CNIH3: variants seen among roughly 807,000 people sequenced by gnomAD.
CNIH3 encodes protein cornichon homolog 3.
A neutral mutation model predicts 24.1 loss-of-function variants in CNIH3; 14 were observed. That is an observed-to-expected ratio of 0.58 (90% CI 0.38 to 0.91). The LOEUF is 0.91. CNIH3 is among the 40% of genes least tolerant of loss of function. The pLI is 0.00. For missense variants in CNIH3, 178 were observed against 196.8 expected, an observed-to-expected ratio of 0.90 and a Z score of 0.57; for synonymous variants, 68 against 73.8, an observed-to-expected ratio of 0.92 and a Z score of 0.40.
intron 1 of CNIH3, among the ~76,000 whole-genome samples, chr1:224,648,468 G>C (rs1684721022): frequency 6.6e-6 from 1 of 151,706 alleles, no homozygotes; most frequent in African/African-American, 2.4e-5. Context: ...GAAGGGATGA[G>C]TTTACCAAAG....
chr1:224,547,885 C>T (rs1318308576), intron 3 of CNIH3, among the ~76,000 whole-genome samples: 1 of 151,834 alleles, frequency 6.6e-6, no homozygotes, highest in African/African-American at 2.4e-5. Flanking sequence ...CCTGTGTGTA[C>T]ACCCCATGAT....
chr1:224,598,398 T>C (rs575174493), intron 3 of CNIH3, among the ~76,000 whole-genome samples: 3 of 152,372 alleles, frequency 2.0e-5, no homozygotes, highest in East Asian at 3.9e-4. Flanking sequence ...CTGGTGAAGA[T>C]GCTATGAATA....
intron 1 of CNIH3, among the ~76,000 whole-genome samples, chr1:224,636,332 A>C (rs1684085974): frequency 6.6e-6 from 1 of 152,208 alleles, no homozygotes; most frequent in Admixed American, 6.5e-5. Flanking sequence ...GAAGGGACCT[A>C]AGATCACCTG....
intron 1 of CNIH3, among the ~76,000 whole-genome samples, chr1:224,450,394 C>A (rs1675344838): frequency 1.3e-5 from 2 of 152,148 alleles, no homozygotes; most frequent in Admixed American, 6.6e-5. Flanking sequence ...TGGGAAGACC[C>A]TGTCTACTGA....
intron 1 of CNIH3, among the ~76,000 whole-genome samples, chr1:224,500,250 T>G (rs1677599752): frequency 6.6e-6 from 1 of 152,002 alleles, no homozygotes; most frequent in Admixed American, 6.6e-5. Flanking sequence ...TGGTCTCAAG[T>G]CATCCTCCCA....
intron 1 of CNIH3, among the ~76,000 whole-genome samples, chr1:224,670,483 G>A (rs970504013): frequency 2.0e-5 from 3 of 152,102 alleles, no homozygotes; most frequent in Non-Finnish European, 2.9e-5. Flanking sequence ...CAGCACAGAC[G>A]GTCCCCACTC....
intron 3 of CNIH3, among the ~76,000 whole-genome samples, chr1:224,606,093 A>T (rs1185658359): frequency 6.6e-6 from 1 of 152,118 alleles, no homozygotes; most frequent in Admixed American, 6.5e-5. Flanking sequence ...TGCCGGCAGG[A>T]GTAAACACTG....
At chr1:224,491,175 T>A (rs1452433169) in intron 1 of CNIH3, among the ~76,000 whole-genome samples, 1 of 152,242 alleles carries the variant, frequency 6.6e-6, no homozygotes, top group African/African-American at 2.4e-5. Flanking sequence ...CCCTTATTAG[T>A]GTATTTACTG....
At chr1:224,523,621 G>A (rs1678728558) in intron 2 of CNIH3, among the ~76,000 whole-genome samples, 1 of 152,156 alleles carries the variant, frequency 6.6e-6, no homozygotes, top group African/African-American at 2.4e-5. Flanking sequence ...CCTGGCGATG[G>A]TTACACAGAG....
At chr1:224,481,080 C>T (rs539415492) in intron 1 of CNIH3, among the ~76,000 whole-genome samples, 2 of 152,294 alleles carry the variant, frequency 1.3e-5, no homozygotes, top group East Asian at 3.9e-4. Context: ...TCGCAGAAGG[C>T]GAGGAGCAGC....
chr1:224,651,080 C>T (rs911107387), intron 1 of CNIH3, among the ~76,000 whole-genome samples: 28 of 152,150 alleles, frequency 1.8e-4, no homozygotes, highest in Non-Finnish European at 2.6e-4. Context: ...CACACACACA[C>T]GCACAAACAC....
intron 1 of CNIH3, among the ~76,000 whole-genome samples, chr1:224,668,212 G>C (rs575516418): frequency 6.6e-6 from 1 of 152,104 alleles, no homozygotes; most frequent in African/African-American, 2.4e-5. Context: ...ACAAGCAACC[G>C]GTCACCTACA....
At chr1:224,700,859 C>T (rs2125173086) in intron 3 of CNIH3, among the ~76,000 whole-genome samples, 1 of 152,294 alleles carries the variant, frequency 6.6e-6, no homozygotes, top group South Asian at 2.1e-4. Context: ...TGCCTGTTTC[C>T]CCAGCAGGCA....
chr1:224,616,976 C>G lies in CNIH3; in HGVS notation c.-199C>G. 2 of 1,413,180 alleles carry G rather than the reference C, an allele frequency of 1.4e-6. No individual in the cohort carries two copies. The highest frequency in any genetic ancestry group is 3.5e-5 in the South Asian group (2 of 57,184). The allele number at this position is 1,413,180 out of a possible 1,614,324, so 87.5% of individuals were successfully genotyped here. A position where few individuals can be genotyped will look rare whatever the true frequency, so the allele number is the denominator to read the frequency against. On this transcript the variant is annotated 5_prime_UTR_variant, in exon 1 of 6. Coordinates refer to ENST00000272133, the MANE Select transcript of CNIH3 (RefSeq NM_152495.2). The stretch of plus-strand genomic sequence containing the variant: ...TCCTGTCTTCGCCGGAGGGCCGGGT[C>G]TGGGGTCGCCGGAGCCTGCGGGAAT...
At chr1:224,497,638 C>T (rs1343513559) in intron 1 of CNIH3, among the ~76,000 whole-genome samples, 1 of 152,162 alleles carries the variant, frequency 6.6e-6, no homozygotes, top group Non-Finnish European at 1.5e-5. Flanking sequence ...ATTTCTAAAG[C>T]AACTTTTTTT....
chr1:224,709,555 G>C (rs777517178), intron 3 of CNIH3, among the ~76,000 whole-genome samples: 1 of 152,186 alleles, frequency 6.6e-6, no homozygotes, highest in Non-Finnish European at 1.5e-5. Flanking sequence ...CTTCAGGCTT[G>C]TGTTGCCAAG....
At chr1:224,695,847 A>T (rs111980810) in intron 3 of CNIH3, among the ~76,000 whole-genome samples, 2 of 152,176 alleles carry the variant, frequency 1.3e-5, no homozygotes, top group African/African-American at 4.8e-5. Flanking sequence ...CTTCTCAGCA[A>T]TAAAGATTTA....
At chr1:224,655,560 ATAGGGAGCCACTCC>A (rs936678386) in intron 1 of CNIH3, among the ~76,000 whole-genome samples, 2 of 152,102 alleles carry the variant, frequency 1.3e-5, no homozygotes, top group African/African-American at 4.8e-5. Context: ...CCTTCAAGCT[ATAGGGAGCCACTCC>A]TAATGAGCAA....
chr1:224,656,368 G>A (rs1685095363), intron 1 of CNIH3, among the ~76,000 whole-genome samples: 1 of 152,172 alleles, frequency 6.6e-6, no homozygotes, highest in Non-Finnish European at 1.5e-5. Flanking sequence ...CCAGAATATG[G>A]AGTGAATCCA....
Sources: allele counts gnomAD v4.1 joint callset (sites outside exome capture counted in the v4.1 genomes callset), GRCh38; gene constraint gnomAD v4.1.1; transcripts MANE v1.5; gene names NCBI Gene and HGNC (gene_info 2026-07-23, HGNC 2026-07-21).